The following PCNT variants were observed in gnomAD, a reference collection of about 807,000 sequenced individuals.
The protein encoded by PCNT is pericentrin.
In PCNT, 319 loss-of-function variants were observed where a neutral mutation model predicts 380.4. The observed-to-expected ratio is 0.84, with a 90% CI of 0.77 to 0.92. The LOEUF is 0.92. PCNT is among the 40% of genes least tolerant of loss of function. The pLI is 0.00. For missense variants in PCNT, 4,400 were observed against 4,255.3 expected (o/e 1.03, Z -0.95); for synonymous variants, 1,845 against 1,735.2 (o/e 1.06, Z -1.57).
chr21:46,399,396 GGGTCT>G (rs2086344102), intron 24 of PCNT, among the ~76,000 whole-genome samples, 189 bp from the exon 25 acceptor site: 3 of 136,958 alleles, frequency 2.2e-5, no homozygotes, highest in African/African-American at 5.4e-5. Context: ...TGCAGCCTGT[GGGTCT>G]AGGTCTCCCT....
intron 21 of PCNT, 59 bp from the exon 22 acceptor site, chr21:46,397,206 C>A: frequency 7.5e-7 from 1 of 1,333,518 alleles, no homozygotes; most frequent in Non-Finnish European, 1.1e-6. Context: ...ATGCACGTGT[C>A]ATGCACCAGC....
At chr21:46,402,867 C>T (rs77952827) in intron 27 of PCNT, among the ~76,000 whole-genome samples, 6,187 of 152,200 alleles carry the variant, frequency 0.041, 190 homozygotes, top group Non-Finnish European at 0.061. Context: ...TCTCTTCCCA[C>T]TGGCATGATG....
At position 46,367,060 on chromosome 21, in the gene PCNT, C is replaced by G; in HGVS notation, c.3086C>G (p.Ser1029Cys). Residue 1029 changes from serine to cysteine, a missense_variant, in exon 15 of 47, where the codon TCT becomes TGT. Transcript: ENST00000359568. The stretch of plus-strand genomic sequence containing the variant: ...CGGAAACACGAAGGGGAGCTACAGT[C>G]TGTGCGGGACCACCTGCGAACCGAA... ...LKRKHEGELQ[S>C]VRDHLRTEVS... 1.2e-6 allele frequency: 2 copies of G among 1,614,004 alleles called. No individual in the cohort carries two copies. Among genetic ancestry groups the G allele is most frequent in the Non-Finnish European group, 1.7e-6 (2 of 1,180,012 alleles).
intron 1 of PCNT, chr21:46,324,769 C>G: frequency 3.3e-6 from 2 of 611,674 alleles, no homozygotes; most frequent in South Asian, 7.1e-5. Flanking sequence ...GCTGCTTGGT[C>G]TAGGGCCAGT....
chr21:46,366,535 T>C (rs2084934314), intron 14 of PCNT, 49 bp from the exon 15 acceptor site: 2 of 1,516,946 alleles, frequency 1.3e-6, no homozygotes, highest in African/African-American at 1.4e-5. Flanking sequence ...CAAGGGTCAT[T>C]GCTTCCTGAT....
intron 21 of PCNT, among the ~76,000 whole-genome samples, chr21:46,394,753 G>A (rs898695450): frequency 6.6e-6 from 1 of 152,208 alleles, no homozygotes; most frequent in African/African-American, 2.4e-5. Context: ...TTACTACAGT[G>A]CCTAAGCTAC....
intron 31 of PCNT, among the ~76,000 whole-genome samples, chr21:46,419,059 G>A (rs534296998): frequency 2.0e-4 from 31 of 152,204 alleles, no homozygotes; most frequent in South Asian, 8.3e-4. Context: ...CTGCCACACC[G>A]TCCTTTTTTT....
Position 46,366,670 on chromosome 21 carries a change from G to C in PCNT, c.2696G>C (p.Arg899Pro). Residue 899 changes from arginine to proline, a missense_variant, in exon 15 of 47, where the codon CGT becomes CCT. Arg to Pro is a moderately radical substitution (Grantham distance 103). Coordinates refer to ENST00000359568, the MANE Select transcript of PCNT (RefSeq NM_006031.6). ...CAGGAGGCCCAGGAGCAGCATGCCC[G>C]TGAGCTGCAGCTCCTCCAGGAGAGA... ...FLQEAQEQHA[R>P]ELQLLQERHQ... is the part of the protein sequence containing the mutation. The C allele has an allele frequency of 1.2e-6, 2 of 1,613,850 alleles. No homozygotes were observed. Among genetic ancestry groups the C allele is most frequent in the Non-Finnish European group, 1.7e-6 (2 of 1,179,962 alleles).
At chr21:46,422,902 A>G (rs2087315862) in intron 32 of PCNT, among the ~76,000 whole-genome samples, 1 of 152,162 alleles carries the variant, frequency 6.6e-6, no homozygotes, top group South Asian at 2.1e-4. Context: ...CGGTTTCCAA[A>G]ACCCATCCAT....
chr21:46,341,598 C>T (rs1411157820), intron 3 of PCNT, among the ~76,000 whole-genome samples: 1 of 151,990 alleles, frequency 6.6e-6, no homozygotes, highest in Non-Finnish European at 1.5e-5. Flanking sequence ...AACTGCTGGT[C>T]TCAAGCCATT....
chr21:46,325,429 C>T lies in PCNT; in HGVS notation c.55-948C>T, dbSNP rs777268669. ...GGACAAGACGCCGCCTGTAGGGCGA[C>T]GCAGGCCGCAGACCAGGTCTGTGCT... On this transcript the variant is annotated intron_variant, in intron 1 of 46. Coordinates refer to ENST00000359568, the MANE Select transcript of PCNT (RefSeq NM_006031.6). 3.0e-4 allele frequency among the ~76,000 whole-genome samples: 46 copies of T among 152,294 alleles called. 1 individual carries two copies. The highest frequency in any genetic ancestry group is 5.7e-4 in the Non-Finnish European group (39 of 68,014).
At chr21:46,361,883 A>T (rs897558574) in intron 13 of PCNT, among the ~76,000 whole-genome samples, 3 of 151,856 alleles carry the variant, frequency 2.0e-5, no homozygotes, top group Non-Finnish European at 4.4e-5. Flanking sequence ...AGATTTTATG[A>T]TCTGTTTTGT....
intron 16 of PCNT, 71 bp from the exon 17 acceptor site, chr21:46,385,761 G>A (rs1209039588): frequency 6.6e-7 from 1 of 1,518,566 alleles, no homozygotes; most frequent in Non-Finnish European, 9.1e-7. Flanking sequence ...AAATTGTGTT[G>A]AAAGTCCCTT....
intron 27 of PCNT, among the ~76,000 whole-genome samples, chr21:46,410,371 T>G (rs570303164): frequency 2.8e-4 from 43 of 152,368 alleles, no homozygotes; most frequent in African/African-American, 1.0e-3. Context: ...GGAGTTGTTA[T>G]GAAACCCTCA....
intron 6 of PCNT, 34 bp downstream of exon 6, chr21:46,347,546 G>C (rs1569178950): frequency 6.2e-7 from 1 of 1,604,904 alleles, no homozygotes; most frequent in Non-Finnish European, 8.5e-7. Flanking sequence ...GCACGCCTCT[G>C]TGTATGTTGT....
At chr21:46,424,775 C>T (rs2087424581) in intron 32 of PCNT, among the ~76,000 whole-genome samples, 1 of 150,364 alleles carries the variant, frequency 6.7e-6, no homozygotes, top group African/African-American at 2.5e-5. Context: ...CTCCTCCCCG[C>T]ACCACCCCGC....
At chr21:46,363,121 C>T (rs567530552) in intron 13 of PCNT, among the ~76,000 whole-genome samples, 4 of 152,300 alleles carry the variant, frequency 2.6e-5, no homozygotes, top group South Asian at 4.1e-4. Flanking sequence ...GGCCTGCGGC[C>T]GATCTGAGTC....
rs1162579651 is a variant in PCNT, at chr21:46,346,005, G to A, written c.640-123G>A. On this transcript the variant is annotated intron_variant, in intron 3 of 46. Coordinates refer to ENST00000359568, the MANE Select transcript of PCNT (RefSeq NM_006031.6). ...TGCTCCCACCTTCTGGCCGTTGCGA[G>A]TGGTGCTGCTGTGAACAGCTGCGAA... 4 of 903,442 alleles carry A rather than the reference G, an allele frequency of 4.4e-6. No homozygotes were observed. The African/African-American group carries it at 6.6e-5, about 15-fold the overall frequency. 56.0% of individuals were successfully genotyped at this position (903,442 alleles called of 1,614,324 possible).
At chr21:46,341,029 G>C (rs954670097) in intron 3 of PCNT, among the ~76,000 whole-genome samples, 2 of 151,514 alleles carry the variant, frequency 1.3e-5, no homozygotes, top group Admixed American at 1.3e-4. Context: ...AATTACAGAC[G>C]TGTGCCACCA....
Sources: gnomAD v4.1 joint callset for allele counts (sites outside exome capture counted in the v4.1 genomes callset) on GRCh38, gnomAD v4.1.1 for gene constraint, MANE v1.5 for transcripts, NCBI Gene and HGNC (gene_info 2026-07-23, HGNC 2026-07-21) for gene names.